Variants in COL4A6 observed in about 807,000 individuals in gnomAD.
The protein encoded by COL4A6 is collagen type IV alpha 6 chain.
COL4A6 carries 59 observed loss-of-function variants against 126.7 expected under a neutral mutation model. The ratio of observed to expected loss-of-function variants is 0.47; its 90% confidence interval spans 0.38 to 0.58. The LOEUF is 0.58. Ranked by LOEUF, COL4A6 falls within the 20% of genes least tolerant of loss-of-function variation. COL4A6 has a pLI of 0.00. For missense variants in COL4A6, 1,285 were observed against 1,337.3 expected (o/e 0.96, Z 0.61); for synonymous variants, 547 against 496.6 (o/e 1.10, Z -1.35).
At chrX:108,349,823 T>C (rs758031865) in intron 2 of COL4A6, among the ~76,000 whole-genome samples, 4 of 111,753 alleles carry the variant, frequency 3.6e-5, no homozygotes, top group East Asian at 2.8e-4. Context: ...ATACAGATAA[T>C]AGAAGGGATA....
chrX:108,269,670 A>G lies in COL4A6; in HGVS notation c.144+41078T>C, dbSNP rs1290662837. On this transcript the variant is annotated intron_variant, in intron 3 of 44. Transcript: ENST00000334504. Reference sequence around the variant, plus strand: ...TAATAAGCATGTTGACACATTTCAGATGATTACAATACTCCCATTCTTCAA... The same window carrying G: ...TAATAAGCATGTTGACACATTTCAGGTGATTACAATACTCCCATTCTTCAA... Among the ~76,000 whole-genome samples the G allele has an allele frequency of 2.7e-5, 3 of 112,144 alleles. No homozygotes were observed. In the Admixed American group the frequency reaches 2.8e-4, roughly 11 times the overall value.
intron 2 of COL4A6, among the ~76,000 whole-genome samples, chrX:108,382,862 C>T (rs1466203482): frequency 1.9e-5 from 2 of 107,302 alleles, no homozygotes; most frequent in Admixed American, 1.0e-4. Flanking sequence ...GCAGGAGAAT[C>T]GCTTGAACCC....
At chrX:108,287,273 G>T (rs1006904258) in intron 3 of COL4A6, among the ~76,000 whole-genome samples, 5 of 111,944 alleles carry the variant, frequency 4.5e-5, no homozygotes, top group Non-Finnish European at 7.5e-5. Flanking sequence ...GTTTTGGTTG[G>T]TTGACTTTTC....
chrX:108,325,100 G>A (rs985798309), intron 2 of COL4A6, among the ~76,000 whole-genome samples: 3 of 111,723 alleles, frequency 2.7e-5, no homozygotes, highest in Non-Finnish European at 5.6e-5. Flanking sequence ...ATAGAAACAA[G>A]TCAAGTAGTC....
At chrX:108,434,657 T>G (rs1353206691) in intron 2 of COL4A6, among the ~76,000 whole-genome samples, 1 of 109,997 alleles carries the variant, frequency 9.1e-6, no homozygotes, top group Non-Finnish European at 1.9e-5. Context: ...ATTTCACCTA[T>G]AAATAATGTA....
At chrX:108,233,983 G>A (rs758538648) in intron 3 of COL4A6, among the ~76,000 whole-genome samples, 1 of 112,368 alleles carries the variant, frequency 8.9e-6, no homozygotes, top group African/African-American at 3.2e-5. Flanking sequence ...ATGAGATCAA[G>A]TTCTGTGTGC....
intron 2 of COL4A6, among the ~76,000 whole-genome samples, chrX:108,314,441 G>A (rs1301004981): frequency 1.8e-5 from 2 of 111,687 alleles, no homozygotes; most frequent in African/African-American, 6.5e-5. Context: ...CTTCAGCTTC[G>A]GTGAACCACA....
chrX:108,415,661 G>C (rs1051702999), intron 2 of COL4A6, among the ~76,000 whole-genome samples: 4 of 112,117 alleles, frequency 3.6e-5, no homozygotes, highest in African/African-American at 1.3e-4. Context: ...CAGCCTGTGA[G>C]AATGAGTTTC....
chrX:108,279,088 C>T (rs1378090396), intron 3 of COL4A6, among the ~76,000 whole-genome samples: 3 of 111,914 alleles, frequency 2.7e-5, no homozygotes, highest in East Asian at 2.8e-4. Context: ...CATCAACTAA[C>T]TAGCAAAATA....
chrX:108,165,059 G>A, intron 38 of COL4A6, 21 bp from the exon 39 acceptor site: 4 of 1,190,029 alleles, frequency 3.4e-6, no homozygotes, highest in East Asian at 3.0e-5. Context: ...GATCGGAAGA[G>A]GGGCGAGGGG....
chrX:108,163,009 G>T lies in COL4A6; in HGVS notation c.4099C>A (p.Gln1367Lys). 5 of 1,200,149 alleles carry T rather than the reference G, an allele frequency of 4.2e-6. No homozygotes were observed. Among genetic ancestry groups the T allele is most frequent in the Non-Finnish European group, 5.6e-6 (5 of 891,068 alleles). Residue 1367 changes from glutamine to lysine, a missense_variant, in exon 41 of 45, where the codon CAA becomes AAA. Gln to Lys is a moderately conservative substitution (Grantham distance 53). Transcript: ENST00000334504. ...GSSGLQGDPG[Q>K]TPTAEAVQVP... ...TGGACAGCTTCTGCAGTTGGTGTTT[G>T]TCCAGGATCACCTTGGAGGCCAGAA...
In COL4A6 at chrX:108,178,837, C is replaced by T. The variant is rs1404417330; in HGVS notation, c.2362G>A (p.Gly788Arg). The change falls in exon 27 of 45, where the codon GGG (glycine) becomes AGG (arginine). Residue 788 changes from glycine (G) to arginine (R), a missense_variant. Physicochemically the swap from Gly to Arg is moderately radical, Grantham distance 125 (BLOSUM62 -2). Coordinates refer to ENST00000334504, the MANE Select transcript of COL4A6 (RefSeq NM_033641.4). Reference sequence around the variant, plus strand: ...TTGGGGCCTAGTAAGCCAGGCTTCCCGTGCACACCTGATAAAAGAAAAGGG... The same window carrying T: ...TTGGGGCCTAGTAAGCCAGGCTTCCTGTGCACACCTGATAAAAGAAAAGGG... ...SGLPGLKGVHGKPGLLGPKGE... is the reference protein window; with the variant it reads ...SGLPGLKGVHRKPGLLGPKGE... 8 of 1,204,370 alleles carry T rather than the reference C, an allele frequency of 6.6e-6. No homozygotes were observed. The highest frequency in any genetic ancestry group is 3.0e-5 in the East Asian group (1 of 33,655).
Position 108,183,644 on chromosome X carries a change from C to G in COL4A6, c.1952-2676G>C, listed in dbSNP as rs773071544. ...GTGGTGCTCAGGCCATCGTGACTGT[C>G]TGAGACAAAGGTAAACAAAAAAGGG... On this transcript the variant is annotated intron_variant, in intron 23 of 44. Transcript: ENST00000334504. The G allele has an allele frequency of 8.6e-6, 6 of 697,424 alleles. No homozygotes were observed. The East Asian group carries it at 2.6e-4, about 30-fold the overall frequency. 57.5% of individuals were successfully genotyped at this position (697,424 alleles called of 1,213,427 possible).
chrX:108,357,439 G>A (rs2039984917), intron 2 of COL4A6, among the ~76,000 whole-genome samples: 1 of 111,391 alleles, frequency 9.0e-6, no homozygotes, highest in Admixed American at 9.6e-5. Flanking sequence ...CCTGGAATTT[G>A]ATAAAATTCT....
intron 3 of COL4A6, among the ~76,000 whole-genome samples, chrX:108,224,866 T>C (rs1347576356): frequency 9.0e-6 from 1 of 111,101 alleles, no homozygotes; most frequent in Non-Finnish European, 1.9e-5. Flanking sequence ...ACATTTTTCA[T>C]AATGGCCAGC....
intron 3 of COL4A6, among the ~76,000 whole-genome samples, chrX:108,283,355 A>C (rs2037905531): frequency 9.0e-6 from 1 of 110,805 alleles, no homozygotes; most frequent in East Asian, 2.9e-4. Context: ...ACAGTTTTGC[A>C]GTTTATTTCT....
chrX:108,225,126 A>C (rs1462599709), intron 3 of COL4A6, among the ~76,000 whole-genome samples: 1 of 111,466 alleles, frequency 9.0e-6, no homozygotes, highest in Admixed American at 9.5e-5. Flanking sequence ...GCATGGAACT[A>C]AACAGACCAC....
intron 3 of COL4A6, among the ~76,000 whole-genome samples, chrX:108,261,082 T>C (rs1218099779): frequency 1.8e-5 from 2 of 111,230 alleles, no homozygotes; most frequent in Non-Finnish European, 3.8e-5. Flanking sequence ...GCACAGACAA[T>C]GGCCTTCTTC....
chrX:108,343,134 AATATATAT>A (rs555568295), intron 2 of COL4A6, among the ~76,000 whole-genome samples: 31 of 55,190 alleles, frequency 5.6e-4, no homozygotes, highest in South Asian at 3.3e-3. Context: ...GATTAATGGG[AATATATAT>A]ATATATATAT....
Sources: gnomAD v4.1 joint callset for allele counts (sites outside exome capture counted in the v4.1 genomes callset) on GRCh38, gnomAD v4.1.1 for gene constraint, MANE v1.5 for transcripts, NCBI Gene and HGNC (gene_info 2026-07-23, HGNC 2026-07-21) for gene names.